Variants in KCP observed in about 807,000 individuals in gnomAD.
The protein encoded by KCP is kielin/chordin-like protein.
Under a neutral mutation model 212.7 loss-of-function variants are expected in KCP, and 194 were observed. The observed-to-expected ratio is 0.91, with a 90% confidence interval of 0.81 to 1.03. The LOEUF is 1.03. Ranked by LOEUF, KCP falls within the 50% of genes least tolerant of loss-of-function variation. KCP has a pLI of 0.00. For missense variants in KCP, 2,080 were observed against 2,162.5 expected (o/e 0.96, Z 0.76); for synonymous variants, 833 against 865.3 (o/e 0.96, Z 0.65).
chr7:128,894,496 A>G (rs1213395043), intron 8 of KCP, among the ~76,000 whole-genome samples: 1 of 152,162 alleles, frequency 6.6e-6, no homozygotes, highest in Admixed American at 6.5e-5. Context: ...TGCAGATGTA[A>G]TTAGTTAAGA....
At chr7:128,880,149 C>T (rs936664311) in intron 34 of KCP, 64 bp from the exon 35 acceptor site, 3 of 1,449,804 alleles carry the variant, frequency 2.1e-6, no homozygotes, top group South Asian at 2.8e-5. Context: ...CGCAGACCCT[C>T]CCAGAAAACC....
In KCP at chr7:128,894,234, C is replaced by T; in HGVS notation, c.891G>A (p.Arg297=). The T allele has an allele frequency of 6.5e-7, 1 of 1,540,524 alleles. No individual in the cohort carries two copies. Among genetic ancestry groups the T allele is most frequent in the Non-Finnish European group, 8.8e-7 (1 of 1,139,542 alleles). The change falls in exon 9 of 40, where the codon CGG becomes CGA. Residue 297 remains arginine (R), a synonymous_variant. Coordinates refer to ENST00000610776, the MANE Select transcript of KCP (RefSeq NM_001366122.1). ...CAGGGCAGCAGGTGCCTGGGAGGGG[C>T]CGGGCTGGGTATGGACACAGGCTGG... The part of the protein sequence containing the change: ...ECASLCPYPA[R]PLPGTCCPVC...
chr7:128,896,541 C>A (rs565976750), intron 8 of KCP, among the ~76,000 whole-genome samples: 10 of 152,126 alleles, frequency 6.6e-5, no homozygotes, highest in African/African-American at 2.2e-4. Context: ...GTGGGACATG[C>A]GGAGCTTTTT....
rs1423107367 is a variant in KCP at position 128,881,978 on chromosome 7, C to T, written c.3283G>A (p.Glu1095Lys). Reference protein sequence around the residue: ...SNCSEGLLGSELAPPDPCYTC... With the variant: ...SNCSEGLLGSKLAPPDPCYTC... ...TAGCAGGGGTCTGGTGGGGCTAGCT[C>T]AGATCCCAGCAGGCCCTCTGAACAG... Residue 1095 changes from glutamate (E) to lysine (K), a missense_variant, in exon 30 of 40, where the codon GAG becomes AAG. Physicochemically the swap from Glu to Lys is moderately conservative, Grantham distance 56. Coordinates refer to ENST00000610776, the MANE Select transcript of KCP (RefSeq NM_001366122.1). The T allele has an allele frequency of 6.4e-7, 1 of 1,551,310 alleles. No individual in the cohort carries two copies. Among genetic ancestry groups the T allele is most frequent in the Non-Finnish European group, 8.7e-7 (1 of 1,146,944 alleles).
chr7:128,879,518 G>A lies in KCP; in HGVS notation c.4146+4C>T, dbSNP rs1225423959. The A allele has an allele frequency of 7.1e-6, 11 of 1,547,776 alleles. No homozygotes were observed. In the East Asian group the frequency reaches 9.8e-5, roughly 14 times the overall value. ...GCCCACCCAGACTCGCCCTGGAGCC[G>A]CACCTGGAGCCCGGGCTGGGCGTGC... On this transcript the variant is annotated splice_donor_region_variant and intron_variant, in intron 37 of 39. Coordinates refer to ENST00000610776, the MANE Select transcript of KCP (RefSeq NM_001366122.1).
rs1373873092 is a variant in KCP, at chr7:128,890,992, C to CGAGGCA, written c.2071_2076dup (p.Cys691_Leu692dup). 2.5e-4 allele frequency: 335 copies of CGAGGCA among 1,330,622 alleles called. 1 individual carries two copies. The African/African-American group carries it at 4.3e-3, about 17-fold the overall frequency. The allele number at this position is 1,330,622 out of a possible 1,614,324, so 82.4% of individuals were successfully genotyped here. Reference sequence around the variant, plus strand: ...AGCCGCTGGCAGGACACGGAGCCGTCGAGGCAGAGGCAGCGGCGGCAGGGA... The same window carrying CGAGGCA: ...AGCCGCTGGCAGGACACGGAGCCGTCGAGGCAGAGGCAGAGGCAGCGGCGGCAGGGA... On this transcript the variant is annotated inframe_insertion, in exon 20 of 40. Coordinates refer to ENST00000610776, the MANE Select transcript of KCP (RefSeq NM_001366122.1).
chr7:128,888,387 G>C (rs1328890941), intron 22 of KCP, among the ~76,000 whole-genome samples: 1 of 118,372 alleles, frequency 8.4e-6, no homozygotes, highest in South Asian at 2.8e-4. Context: ...AACACACACA[G>C]CCACACACAG....
At chr7:128,886,790 G>T in intron 24 of KCP, 53 bp from the exon 25 acceptor site, 1 of 1,520,972 alleles carries the variant, frequency 6.6e-7, no homozygotes, top group Non-Finnish European at 8.9e-7. Context: ...TGCCCTGCTC[G>T]GCCCAGCCTT....
intron 7 of KCP, chr7:128,903,452 C>A: frequency 3.8e-6 from 2 of 523,938 alleles, no homozygotes; most frequent in East Asian, 6.8e-5. Context: ...GAGGGCTGAC[C>A]CCATGTCTCA....
chr7:128,893,146 A>T lies in KCP; in HGVS notation c.1267+92T>A, dbSNP rs573018520. ...CTGTAGAATGGCTAGTGGACTTAGC[A>T]ACCCGTACCCCGTCCTGGGAAGGAG... On this transcript the variant is annotated intron_variant, in intron 13 of 39. Transcript: ENST00000610776. The T allele has an allele frequency of 1.1e-4, 145 of 1,322,778 alleles. 1 individual carries two copies. The highest frequency in any genetic ancestry group is 2.8e-4 in the Admixed American group (14 of 50,256). The allele number at this position is 1,322,778 out of a possible 1,614,324, so 81.9% of individuals were successfully genotyped here.
chr7:128,892,911 G>A lies in KCP; in HGVS notation c.1378C>T (p.Leu460Phe), dbSNP rs1224273570. 4 of 1,521,368 alleles carry A rather than the reference G, an allele frequency of 2.6e-6. No homozygotes were observed. Among genetic ancestry groups the A allele is most frequent in the Admixed American group, 2.0e-5 (1 of 50,948 alleles). The allele number at this position is 1,521,368 out of a possible 1,614,324, so 94.2% of individuals were successfully genotyped here. ...QDGVPKCGAV[L>F]CPPAPCQHPT... ...TGCTGGCAGGGGGCTGGGGGGCAGA[G>A]CACAGCCCCGCACTTGGGTACCCCA... The change falls in exon 14 of 40, where the codon CTC (leucine) becomes TTC (phenylalanine). Residue 460 changes from leucine to phenylalanine, a missense_variant. Physicochemically the swap from Leu to Phe is conservative, Grantham distance 22. Transcript: ENST00000610776.
chr7:128,890,631 T>C (rs1175443288), intron 20 of KCP, 118 bp from the exon 21 acceptor site: 2 of 149,674 alleles, frequency 1.3e-5, no homozygotes, highest in Admixed American at 1.1e-4. Flanking sequence ...GGGCTGGAGG[T>C]CGTGGGGGCT....
At chr7:128,885,076 C>T in intron 27 of KCP, 21 bp downstream of exon 27, 4 of 1,550,560 alleles carry the variant, frequency 2.6e-6, no homozygotes, top group Non-Finnish European at 2.6e-6. Flanking sequence ...CCTTTCCCCT[C>T]CCGCCCCAGG....
chr7:128,907,223 G>A (rs1472845473), intron 3 of KCP, 41 bp downstream of exon 3: 6 of 1,540,132 alleles, frequency 3.9e-6, no homozygotes, highest in Admixed American at 2.0e-5. Context: ...CCATCTGCAG[G>A]TCTTTAGGTG....
At position 128,886,980 on chromosome 7, in the gene KCP, GC is replaced by G; in HGVS notation, c.2599-15del. On this transcript the variant is annotated splice_polypyrimidine_tract_variant and intron_variant, in intron 23 of 39. Transcript: ENST00000610776. ...CATGGAACCTTCCTGGGGGAGAGAG[GC>G]CCATCACACCCTCAACTGGACTGCA... 2 of 1,386,112 alleles carry G rather than the reference GC, an allele frequency of 1.4e-6. No individual in the cohort carries two copies. Among genetic ancestry groups the G allele is most frequent in the Non-Finnish European group, 2.0e-6 (2 of 1,000,492 alleles). The allele number at this position is 1,386,112 out of a possible 1,614,324, so 85.9% of individuals were successfully genotyped here. A position where few individuals can be genotyped will look rare whatever the true frequency, so the allele number is the denominator to read the frequency against.
At position 128,877,622 on chromosome 7, in the gene KCP, C is replaced by T; in HGVS notation, c.4480G>A (p.Ala1494Thr). 6.4e-7 allele frequency: 1 copy of T among 1,551,686 alleles called. No homozygotes were observed. The highest frequency in any genetic ancestry group is 8.7e-7 in the Non-Finnish European group (1 of 1,146,994). The stretch of plus-strand genomic sequence containing the variant: ...GCACACAGGTCATACACACAGGCGG[C>T]AAAGAAGGGCTCCGGTGGCACCACA... ...HAVVPPEPFF[A>T]ACVYDLCACG... The change falls in exon 39 of 40, where the codon GCC (alanine) becomes ACC (threonine). Residue 1494 changes from alanine (A) to threonine (T), a missense_variant. Coordinates refer to ENST00000610776, the MANE Select transcript of KCP (RefSeq NM_001366122.1).
chr7:128,907,355 C>T lies in KCP; in HGVS notation c.318G>A (p.Gly106=). The T allele has an allele frequency of 1.9e-6, 3 of 1,542,926 alleles. No homozygotes were observed. Among genetic ancestry groups the T allele is most frequent in the Non-Finnish European group, 2.6e-6 (3 of 1,140,600 alleles). ...CWGLGRAWPE[G]ARWEPDACTA... ...TGCAGGCGTCAGGCTCCCAGCGTGC[C>T]CCCTCGGGCCAGGCACGCCCCAGCC... The change falls in exon 3 of 40, where the codon GGG becomes GGA. Residue 106 remains glycine, a synonymous_variant. Coordinates refer to ENST00000610776, the MANE Select transcript of KCP (RefSeq NM_001366122.1).
chr7:128,902,371 T>C (rs766741691), intron 8 of KCP, among the ~76,000 whole-genome samples: 1 of 152,266 alleles, frequency 6.6e-6, no homozygotes, highest in Non-Finnish European at 1.5e-5. Flanking sequence ...TTTACACTTA[T>C]GGCACATCTC....
chr7:128,883,060 G>A (rs932924376), intron 29 of KCP, among the ~76,000 whole-genome samples: 2 of 151,068 alleles, frequency 1.3e-5, no homozygotes, highest in African/African-American at 2.4e-5. Context: ...GCGAGACTCC[G>A]TCTCAAAAAA....
Sources: gnomAD v4.1 joint callset for allele counts (sites outside exome capture counted in the v4.1 genomes callset) on GRCh38, gnomAD v4.1.1 for gene constraint, MANE v1.5 for transcripts, NCBI Gene and HGNC (gene_info 2026-07-23, HGNC 2026-07-21) for gene names.